The following CTNNA3 variants were observed in gnomAD, a reference collection of about 807,000 sequenced individuals.
The protein encoded by CTNNA3 is catenin alpha 3.
Under a neutral mutation model 95.7 loss-of-function variants are expected in CTNNA3, and 76 were observed. The observed-to-expected ratio is 0.79, with a 90% CI of 0.66 to 0.96. CTNNA3 has a LOEUF of 0.96. CTNNA3 is among the 40% of genes least tolerant of loss of function. The pLI is 0.00. For synonymous variants in CTNNA3, 431 were observed against 374.4 expected (o/e 1.15, Z -1.74); for missense variants, 1,191 against 1,089.8 (o/e 1.09, Z -1.31).
At position 66,375,173 on chromosome 10, in the gene CTNNA3, G is replaced by A. The variant is rs190008121; in HGVS notation, c.1732+3979C>T. ...CAGTTAATAATCTTGGCATGTCCCC[G>A]CCATTGTGGAAGTATTAACTTAAGT... On this transcript the variant is annotated intron_variant, in intron 12 of 17. Coordinates refer to ENST00000433211, the MANE Select transcript of CTNNA3 (RefSeq NM_013266.4). 1.5e-3 allele frequency among the ~76,000 whole-genome samples: 232 copies of A among 151,448 alleles called. 1 individual carries two copies. The highest frequency in any genetic ancestry group is 5.5e-3 in the African/African-American group (225 of 41,240).
At chr10:66,430,652 A>G (rs2131745244) in intron 11 of CTNNA3, among the ~76,000 whole-genome samples, 1 of 152,350 alleles carries the variant, frequency 6.6e-6, no homozygotes, top group African/African-American at 2.4e-5. Flanking sequence ...AGAAATGAGG[A>G]AAGGATTCCT....
chr10:66,317,938 G>A (rs908493970), intron 12 of CTNNA3, among the ~76,000 whole-genome samples: 3 of 151,592 alleles, frequency 2.0e-5, no homozygotes, highest in Non-Finnish European at 2.9e-5. Flanking sequence ...TTATAGAGTC[G>A]GATATTTATT....
chr10:66,438,095 A>G (rs2093350524), intron 11 of CTNNA3, among the ~76,000 whole-genome samples: 1 of 152,028 alleles, frequency 6.6e-6, no homozygotes, highest in Admixed American at 6.5e-5. Context: ...GGCACCTGCC[A>G]GATGCCAGCC....
chr10:67,723,927 C>T lies in CTNNA3; in HGVS notation c.-2+39507G>A, dbSNP rs112593242. Among the ~76,000 whole-genome samples, 1,308 of 152,178 alleles carry T rather than the reference C, an allele frequency of 8.6e-3. 25 individuals are homozygous for T. The highest frequency in any genetic ancestry group is 0.029 in the African/African-American group (1,216 of 41,506). ...CCATCGAAGTTCAGAGGAGTTAGTG[C>T]CCAAGATTAACCCACAACCAATGGG... On this transcript the variant is annotated intron_variant, in intron 1 of 17. Transcript: ENST00000684154.
At chr10:65,935,777 A>G (rs1164193374) in intron 17 of CTNNA3, among the ~76,000 whole-genome samples, 4 of 151,980 alleles carry the variant, frequency 2.6e-5, no homozygotes, top group Non-Finnish European at 4.4e-5. Context: ...TTATGTTTTT[A>G]TCAAGCACAA....
chr10:66,736,491 G>A (rs2132682481), intron 9 of CTNNA3, among the ~76,000 whole-genome samples: 1 of 151,814 alleles, frequency 6.6e-6, no homozygotes, highest in South Asian at 2.1e-4. Flanking sequence ...CCGCACCCAG[G>A]CAACTAATAC....
intron 14 of CTNNA3, among the ~76,000 whole-genome samples, chr10:66,086,968 C>G (rs1305220987): frequency 6.6e-6 from 1 of 152,060 alleles, no homozygotes; most frequent in Non-Finnish European, 1.5e-5. Context: ...AATCAAGTTA[C>G]AAGCATAGAT....
intron 10 of CTNNA3, among the ~76,000 whole-genome samples, chr10:66,587,445 G>A (rs1843397813): frequency 6.6e-6 from 1 of 152,038 alleles, no homozygotes; most frequent in Non-Finnish European, 1.5e-5. Flanking sequence ...TAGGGCCATG[G>A]AGCTCCCAAA....
In CTNNA3 at chr10:66,395,823, G is replaced by C. The variant is rs985754495; in HGVS notation, c.1532-16471C>G. Among the ~76,000 whole-genome samples, 3 of 151,856 alleles carry C rather than the reference G, an allele frequency of 2.0e-5. No individual in the cohort carries two copies. In the Admixed American group the frequency reaches 2.0e-4, roughly 10 times the overall value. The stretch of plus-strand genomic sequence containing the variant: ...ATTTATTTATATTGTTTCAGATTCA[G>C]GGGTTTCATGTGCAGGTTTGTGTAA... On this transcript the variant is annotated intron_variant, in intron 11 of 17. Transcript: ENST00000433211.
chr10:66,415,084 C>A (rs996102808), intron 11 of CTNNA3, among the ~76,000 whole-genome samples: 2 of 152,096 alleles, frequency 1.3e-5, no homozygotes, highest in Admixed American at 1.3e-4. Context: ...GGCAGCAGGG[C>A]AGCTACTATA....
intron 12 of CTNNA3, among the ~76,000 whole-genome samples, chr10:66,333,207 G>A (rs535451003): frequency 1.3e-5 from 2 of 151,836 alleles, no homozygotes; most frequent in Non-Finnish European, 2.9e-5. Flanking sequence ...TTTTTGAAGG[G>A]TTTTTTGTGT....
intron 1 of CTNNA3, among the ~76,000 whole-genome samples, chr10:67,690,028 G>A (rs1185811265): frequency 2.0e-5 from 3 of 152,166 alleles, no homozygotes; most frequent in Non-Finnish European, 2.9e-5. Flanking sequence ...CAAGAATGAA[G>A]CCGCAGACCC....
intron 5 of CTNNA3, among the ~76,000 whole-genome samples, chr10:67,385,836 C>CAAAA (rs34264491): frequency 1.2e-5 from 1 of 83,596 alleles, no homozygotes; most frequent in Admixed American, 1.4e-4. Flanking sequence ...TGAAGGATCT[C>CAAAA]AAAAAAAAAA....
chr10:66,259,472 T>C (rs1467446277), intron 13 of CTNNA3, among the ~76,000 whole-genome samples: 21 of 152,142 alleles, frequency 1.4e-4, no homozygotes, highest in Admixed American at 1.4e-3. Flanking sequence ...AAAGATCACC[T>C]GGAGACTATC....
intron 13 of CTNNA3, among the ~76,000 whole-genome samples, chr10:66,107,052 G>A (rs554969255): frequency 2.6e-5 from 4 of 152,218 alleles, no homozygotes; most frequent in South Asian, 2.1e-4. Flanking sequence ...GTCTAACAGC[G>A]AAATTATCTC....
intron 6 of CTNNA3, among the ~76,000 whole-genome samples, chr10:67,186,729 T>C (rs1589838116): frequency 1.3e-5 from 2 of 152,182 alleles, no homozygotes; most frequent in Admixed American, 1.3e-4. Context: ...AGACAATCAA[T>C]AGGATATTGT....
At chr10:67,406,598 C>T (rs1048685473) in intron 5 of CTNNA3, among the ~76,000 whole-genome samples, 3 of 151,738 alleles carry the variant, frequency 2.0e-5, no homozygotes, top group Admixed American at 6.6e-5. Flanking sequence ...GAGATAGAAA[C>T]ATGAAAAACC....
chr10:66,539,768 CA>C (rs1301506025), intron 10 of CTNNA3, among the ~76,000 whole-genome samples: 1 of 151,946 alleles, frequency 6.6e-6, no homozygotes, highest in Non-Finnish European at 1.5e-5. Flanking sequence ...TTTTCCTTTA[CA>C]AAAAACATCA....
At chr10:66,012,682 C>T (rs2079027368) in intron 15 of CTNNA3, among the ~76,000 whole-genome samples, 1 of 152,128 alleles carries the variant, frequency 6.6e-6, no homozygotes, top group Non-Finnish European at 1.5e-5. Flanking sequence ...GTCAATTAGT[C>T]TGGGGTCTCT....
Sources: allele counts gnomAD v4.1 joint callset (sites outside exome capture counted in the v4.1 genomes callset), GRCh38; gene constraint gnomAD v4.1.1; transcripts MANE v1.5; gene names NCBI Gene and HGNC (gene_info 2026-07-23, HGNC 2026-07-21).